TNIK: variants seen among roughly 807,000 people sequenced by gnomAD.
The protein encoded by TNIK is TRAF2 and NCK interacting kinase.
TNIK carries 49 observed loss-of-function variants against 191.3 expected under a neutral mutation model. The ratio of observed to expected loss-of-function variants is 0.26; its 90% CI spans 0.20 to 0.32. The LOEUF is 0.32. Ranked by LOEUF, TNIK falls within the 10% of genes least tolerant of loss-of-function variation. The probability of loss-of-function intolerance (pLI) is 1.00; values close to 1 mark genes in which losing one functional copy is unlikely to be tolerated. For synonymous variants in TNIK, 594 were observed against 600.9 expected, an observed-to-expected ratio of 0.99 and a Z score of 0.17; for missense variants, 1,155 against 1,702.3, an observed-to-expected ratio of 0.68 and a Z score of 5.66.
intron 1 of TNIK, among the ~76,000 whole-genome samples, chr3:171,379,978 C>T (rs1030523653): frequency 3.3e-5 from 5 of 151,904 alleles, no homozygotes; most frequent in Non-Finnish European, 7.4e-5. Context: ...CACTGCACTC[C>T]AGCCTGAGCG....
chr3:171,305,007 AT>A (rs1753279225), intron 2 of TNIK, among the ~76,000 whole-genome samples: 1 of 145,686 alleles, frequency 6.9e-6, no homozygotes, highest in African/African-American at 2.7e-5. Flanking sequence ...TTAAAGTATA[AT>A]TAAAAAAAAA....
intron 2 of TNIK, among the ~76,000 whole-genome samples, chr3:171,288,885 TTATC>T (rs911642932): frequency 3.3e-5 from 5 of 151,722 alleles, no homozygotes; most frequent in Admixed American, 3.3e-4. Context: ...AAATAAACAT[TTATC>T]TATTTGGAGA....
chr3:171,297,537 A>G (rs1752436162), intron 2 of TNIK, among the ~76,000 whole-genome samples: 1 of 152,212 alleles, frequency 6.6e-6, no homozygotes, highest in African/African-American at 2.4e-5. Context: ...AAGGCTGTTT[A>G]AAAGTTTTCC....
chr3:171,246,286 TA>T (rs1553868133), intron 2 of TNIK, among the ~76,000 whole-genome samples: 8,389 of 112,534 alleles, frequency 0.075, 292 homozygotes, highest in South Asian at 0.12. Flanking sequence ...GAGAACCAGA[TA>T]AAAAAAAAAA....
At chr3:171,167,534 T>C (rs1228191687) in intron 9 of TNIK, among the ~76,000 whole-genome samples, 1 of 152,130 alleles carries the variant, frequency 6.6e-6, no homozygotes, top group African/African-American at 2.4e-5. Flanking sequence ...TAACATTACA[T>C]AGCAGACCAA....
rs1740775776 is a variant in TNIK at position 171,211,244 on chromosome 3, G to A, written c.181-3C>T. On this transcript the variant is annotated splice_polypyrimidine_tract_variant and splice_region_variant and intron_variant, in intron 3 of 32. Transcript: ENST00000436636. ...TGTTTGATTTCTTCCTCTTCATCCT[G>A]TATGAGAACAATATAAAAATTCTGT... 1.3e-6 allele frequency: 2 copies of A among 1,594,706 alleles called. No homozygotes were observed. Among genetic ancestry groups the A allele is most frequent in the Non-Finnish European group, 1.7e-6 (2 of 1,170,172 alleles).
chr3:171,079,652 C>T lies in TNIK; in HGVS notation c.3314G>A (p.Gly1105Glu). ...EGLNVLVTIS[G>E]KKNKLRVYYL... ...GTAAACTCGTAGCTTATTCTTCTTT[C>T]CTGTTGAAATAATAGAGGTTTAATT... Residue 1105 changes from glycine to glutamate, a missense_variant and splice_region_variant, in exon 28 of 33, where the codon GGA becomes GAA. Transcript: ENST00000436636. The T allele has an allele frequency of 6.2e-7, 1 of 1,606,280 alleles. No individual in the cohort carries two copies. Among genetic ancestry groups the T allele is most frequent in the Non-Finnish European group, 8.5e-7 (1 of 1,176,234 alleles).
At chr3:171,407,012 G>A (rs1329411108) in intron 1 of TNIK, among the ~76,000 whole-genome samples, 1 of 152,230 alleles carries the variant, frequency 6.6e-6, no homozygotes, top group African/African-American at 2.4e-5. Flanking sequence ...ATGGGAGTGA[G>A]GAGAGGCAGA....
At chr3:171,298,186 T>C (rs1266382113) in intron 2 of TNIK, among the ~76,000 whole-genome samples, 1 of 152,212 alleles carries the variant, frequency 6.6e-6, no homozygotes, top group Non-Finnish European at 1.5e-5. Flanking sequence ...ATCTAAGTAC[T>C]GTACATGGAG....
In TNIK at chr3:171,079,528, A is replaced by C; in HGVS notation, c.3438T>G (p.His1146Gln). Residue 1146 changes from histidine to glutamine, a missense_variant, in exon 28 of 33, where the codon CAT becomes CAG. By Grantham distance (24) the His-to-Gln change is conservative. Transcript: ENST00000436636. Reference protein sequence around the residue: ...ITVGDLEGCIHYKVVKYERIK... With the variant: ...ITVGDLEGCIQYKVVKYERIK... ...TGTCTTGAGACTTACCAACTTTATA[A>C]TGTATACAGCCTTCCAAGTCCCCAA... The C allele has an allele frequency of 6.2e-7, 1 of 1,612,632 alleles. No homozygotes were observed.
intron 8 of TNIK, among the ~76,000 whole-genome samples, chr3:171,176,780 C>G (rs142698680): frequency 6.6e-6 from 1 of 152,212 alleles, no homozygotes; most frequent in African/African-American, 2.4e-5. Flanking sequence ...GAGGCACAGT[C>G]TCATGACAGA....
intron 19 of TNIK, among the ~76,000 whole-genome samples, chr3:171,108,610 C>T (rs1376550056): frequency 1.3e-5 from 2 of 152,214 alleles, no homozygotes; most frequent in African/African-American, 4.8e-5. Context: ...GTCCTATTCT[C>T]AGTCACTATG....
chr3:171,154,300 A>C (rs1046140787), intron 12 of TNIK, among the ~76,000 whole-genome samples: 1 of 151,876 alleles, frequency 6.6e-6, no homozygotes, highest in African/African-American at 2.4e-5. Flanking sequence ...GCCAAAGTGT[A>C]TATTTTTTGG....
chr3:171,116,219 T>C (rs575830963), intron 18 of TNIK, among the ~76,000 whole-genome samples: 6 of 152,358 alleles, frequency 3.9e-5, no homozygotes, highest in African/African-American at 1.4e-4. Context: ...TTAAATGATC[T>C]GGCCTTGGGG....
chr3:171,229,766 C>T (rs910599965), intron 2 of TNIK, among the ~76,000 whole-genome samples: 1 of 152,096 alleles, frequency 6.6e-6, no homozygotes, highest in African/African-American at 2.4e-5. Flanking sequence ...ATTCTGCTGC[C>T]CTTTTTTTCC....
intron 2 of TNIK, among the ~76,000 whole-genome samples, chr3:171,298,866 G>A (rs1328716070): frequency 6.6e-6 from 1 of 152,200 alleles, no homozygotes; most frequent in African/African-American, 2.4e-5. Flanking sequence ...ACAAAACTCT[G>A]GATGCTTCAT....
chr3:171,156,193 T>G (rs541433521), intron 12 of TNIK, among the ~76,000 whole-genome samples: 21 of 152,336 alleles, frequency 1.4e-4, no homozygotes, highest in African/African-American at 5.0e-4. Flanking sequence ...TACTTGACAT[T>G]ACTAAAATCA....
intron 5 of TNIK, among the ~76,000 whole-genome samples, chr3:171,194,084 A>G (rs1188511606): frequency 3.3e-5 from 5 of 152,218 alleles, no homozygotes; most frequent in South Asian, 2.1e-4. Context: ...TAAACTTTAT[A>G]TGGTGGGAAG....
chr3:171,077,934 A>C (rs1319305449), intron 28 of TNIK, among the ~76,000 whole-genome samples: 2 of 151,800 alleles, frequency 1.3e-5, no homozygotes, highest in Non-Finnish European at 2.9e-5. Context: ...GGAGGGCTAT[A>C]AAATACTAGT....
Sources: gnomAD v4.1 joint callset for allele counts (sites outside exome capture counted in the v4.1 genomes callset) on GRCh38, gnomAD v4.1.1 for gene constraint, MANE v1.5 for transcripts, NCBI Gene and HGNC (gene_info 2026-07-23, HGNC 2026-07-21) for gene names.